The following RHOA variants were observed in gnomAD, a reference collection of about 807,000 sequenced individuals.
RHOA encodes the protein ras homolog family member A, also known as transforming protein RhoA.
A neutral mutation model predicts 17.5 loss-of-function variants in RHOA; 3 were observed. That is an observed-to-expected ratio of 0.17 (90% CI 0.08 to 0.44). The LOEUF (loss-of-function observed/expected upper bound fraction) is 0.44, where lower values mean the gene tolerates loss of function less well. Ranked by LOEUF, RHOA falls within the 20% of genes least tolerant of loss-of-function variation. The probability of loss-of-function intolerance (pLI) is 0.99; values close to 1 mark genes in which losing one functional copy is unlikely to be tolerated. For missense variants in RHOA, 56 were observed against 242.3 expected, an observed-to-expected ratio of 0.23 and a Z score of 5.10; for synonymous variants, 98 against 88.4, an observed-to-expected ratio of 1.11 and a Z score of -0.61.
chr3:49,388,995 C>A (rs931596676), intron 1 of RHOA, among the ~76,000 whole-genome samples: 1 of 152,138 alleles, frequency 6.6e-6, no homozygotes. Context: ...CAAAGAACCA[C>A]ATGTTTCATA....
chr3:49,362,144 G>A (rs528557832), intron 4 of RHOA, among the ~76,000 whole-genome samples: 133 of 148,910 alleles, frequency 8.9e-4, no homozygotes, highest in African/African-American at 3.0e-3. Flanking sequence ...CTGAGATTGC[G>A]CCACTGCACT....
chr3:49,409,844 A>C (rs1687425528), intron 1 of RHOA, among the ~76,000 whole-genome samples: 1 of 152,222 alleles, frequency 6.6e-6, no homozygotes, highest in African/African-American at 2.4e-5. Context: ...GCAGTACCCC[A>C]AATCAACAGT....
chr3:49,369,981 C>A (rs963519942), intron 2 of RHOA, among the ~76,000 whole-genome samples: 1 of 151,864 alleles, frequency 6.6e-6, no homozygotes, highest in Admixed American at 6.6e-5. Flanking sequence ...GCAGGAGAAT[C>A]GCTTGAACCC....
chr3:49,401,470 T>C (rs2048723557), intron 1 of RHOA, among the ~76,000 whole-genome samples: 1 of 149,660 alleles, frequency 6.7e-6, no homozygotes, highest in Non-Finnish European at 1.5e-5. Flanking sequence ...CTGGGCAACA[T>C]GGCGAAACCT....
At chr3:49,386,972 C>T (rs2048405718) in intron 1 of RHOA, among the ~76,000 whole-genome samples, 1 of 151,332 alleles carries the variant, frequency 6.6e-6, no homozygotes, top group Non-Finnish European at 1.5e-5. Context: ...AAAAAATTAG[C>T]CAGGCATGGT....
At chr3:49,398,458 T>TA (rs1205489834) in intron 1 of RHOA, among the ~76,000 whole-genome samples, 1 of 151,706 alleles carries the variant, frequency 6.6e-6, no homozygotes, top group Non-Finnish European at 1.5e-5. Flanking sequence ...ATTACAGTGA[T>TA]AAACTAAAGG....
intron 1 of RHOA, among the ~76,000 whole-genome samples, chr3:49,384,751 C>T (rs1205653256): frequency 6.6e-6 from 1 of 151,888 alleles, no homozygotes; most frequent in Non-Finnish European, 1.5e-5. Flanking sequence ...CAAGTGATGC[C>T]CCCACTTTCT....
At chr3:49,380,562 A>G (rs1187047535) in intron 1 of RHOA, among the ~76,000 whole-genome samples, 1 of 151,610 alleles carries the variant, frequency 6.6e-6, no homozygotes, top group Non-Finnish European at 1.5e-5. Context: ...AAAATTACCC[A>G]GGCGTGGTGG....
At chr3:49,362,397 A>T in intron 4 of RHOA, 99 bp downstream of exon 4, 2 of 1,352,710 alleles carry the variant, frequency 1.5e-6, no homozygotes, top group Non-Finnish European at 2.0e-6. Flanking sequence ...AGCCTCTAAA[A>T]CAACCTGGCC....
intron 1 of RHOA, among the ~76,000 whole-genome samples, chr3:49,382,468 C>T (rs1461908803): frequency 6.6e-6 from 1 of 152,130 alleles, no homozygotes; most frequent in East Asian, 1.9e-4. Flanking sequence ...AACCCCATCT[C>T]TACCCAAAAT....
intron 1 of RHOA, among the ~76,000 whole-genome samples, chr3:49,393,670 CTCTCTCTGTG>C (rs1559512117): frequency 0.17 from 16,555 of 97,028 alleles, 1,678 homozygotes; most frequent in Middle Eastern, 0.19. Flanking sequence ...GTCTCAAATT[CTCTCTCTGTG>C]TGTGTGTGTG....
intron 1 of RHOA, among the ~76,000 whole-genome samples, chr3:49,394,986 A>T (rs1241714289): frequency 6.6e-6 from 1 of 152,032 alleles, no homozygotes; most frequent in Non-Finnish European, 1.5e-5. Flanking sequence ...GCGGTGGCTC[A>T]CGCTTGTAAT....
intron 1 of RHOA, among the ~76,000 whole-genome samples, chr3:49,395,039 G>A (rs1266009354): frequency 6.6e-6 from 1 of 151,904 alleles, no homozygotes; most frequent in Non-Finnish European, 1.5e-5. Context: ...CACGAGGTCA[G>A]GAGATCGAGA....
chr3:49,368,190 G>A (rs2048090165), intron 3 of RHOA, among the ~76,000 whole-genome samples: 1 of 152,130 alleles, frequency 6.6e-6, no homozygotes, highest in Admixed American at 6.6e-5. Flanking sequence ...AGGGATTATA[G>A]GTGTCAGGCA....
At chr3:49,369,114 C>T (rs916680493) in intron 2 of RHOA, among the ~76,000 whole-genome samples, 2 of 145,220 alleles carry the variant, frequency 1.4e-5, no homozygotes, top group African/African-American at 5.2e-5. Context: ...AAGCTCTGCC[C>T]CCGGGTTCAT....
At chr3:49,376,036 T>A (rs909103924) in intron 1 of RHOA, among the ~76,000 whole-genome samples, 1 of 151,804 alleles carries the variant, frequency 6.6e-6, no homozygotes, top group African/African-American at 2.4e-5. Context: ...AGATGGGGTT[T>A]CACCTTGTTG....
chr3:49,399,087 A>AAAAAAAAT, intron 1 of RHOA, among the ~76,000 whole-genome samples: 1 of 130,986 alleles, frequency 7.6e-6, no homozygotes, highest in East Asian at 2.2e-4. Flanking sequence ...AAAAAAAAAA[A>AAAAAAAAT]GGCTGGGCAC....
At chr3:49,385,692 T>C (rs1350494705) in intron 1 of RHOA, among the ~76,000 whole-genome samples, 1 of 148,090 alleles carries the variant, frequency 6.8e-6, no homozygotes, top group East Asian at 1.9e-4. Flanking sequence ...AAAAAATATA[T>C]ATGCTTCTTT....
intron 1 of RHOA, among the ~76,000 whole-genome samples, chr3:49,396,226 G>A (rs780367255): frequency 6.6e-6 from 1 of 152,216 alleles, no homozygotes; most frequent in African/African-American, 2.4e-5. Flanking sequence ...GTAGATGGCA[G>A]TGAATTGAGA....
Sources: allele counts gnomAD v4.1 joint callset (sites outside exome capture counted in the v4.1 genomes callset), GRCh38; gene constraint gnomAD v4.1.1; transcripts MANE v1.5; gene names NCBI Gene and HGNC (gene_info 2026-07-23, HGNC 2026-07-21).